SMARCC1: variants seen among roughly 807,000 people sequenced by gnomAD.
SMARCC1 encodes SWI/SNF related BAF chromatin remodeling complex subunit C1.
SMARCC1 carries 43 observed loss-of-function variants against 147.4 expected under a neutral mutation model. That is an observed-to-expected ratio of 0.29 (90% CI 0.23 to 0.38). The LOEUF (loss-of-function observed/expected upper bound fraction) is 0.38. Among genes scored for constraint, SMARCC1 ranks in the 10% least tolerant of loss-of-function variants. The probability of loss-of-function intolerance (pLI) is 1.00; values close to 1 mark genes in which losing one functional copy is unlikely to be tolerated. For missense variants in SMARCC1, 1,119 were observed against 1,381.1 expected (o/e 0.81, Z 3.01); for synonymous variants, 495 against 484.4 (o/e 1.02, Z -0.29).
At position 47,588,043 on chromosome 3, in the gene SMARCC1, T is replaced by C. The variant is rs1383259367; in HGVS notation, c.*166A>G. ...TTGGCTGAGGACCCAACACAAAAAG[T>C]GTCAGAGAGAGGGGTGGTAAGAGGA... On this transcript the variant is annotated 3_prime_UTR_variant, in exon 28 of 28. Transcript: ENST00000254480. 6.7e-6 allele frequency: 4 copies of C among 597,692 alleles called. No homozygotes were observed. The highest frequency in any genetic ancestry group is 1.2e-5 in the Non-Finnish European group (4 of 336,780). The allele number at this position is 597,692 out of a possible 1,614,324, so 37.0% of individuals were successfully genotyped here.
At chr3:47,662,805 GCTCACGCGTATAAT>G (rs1197302133) in intron 19 of SMARCC1, among the ~76,000 whole-genome samples, 2 of 151,888 alleles carry the variant, frequency 1.3e-5, no homozygotes, top group Middle Eastern at 3.4e-3. Context: ...AGGCACGGTG[GCTCACGCGTATAAT>G]CTCAGCACTT....
At chr3:47,669,222 T>G (rs1031068320) in intron 19 of SMARCC1, among the ~76,000 whole-genome samples, 1 of 152,196 alleles carries the variant, frequency 6.6e-6, no homozygotes, top group Non-Finnish European at 1.5e-5. Context: ...ACTGTGGTTT[T>G]CTTGGATGTC....
chr3:47,723,804 T>C (rs1366403611), intron 6 of SMARCC1, among the ~76,000 whole-genome samples: 15 of 151,520 alleles, frequency 9.9e-5, no homozygotes. Context: ...AGAGTGAAAC[T>C]CCGTCTCAAA....
chr3:47,636,897 AAAG>A (rs1039878066), intron 22 of SMARCC1, among the ~76,000 whole-genome samples: 4 of 152,274 alleles, frequency 2.6e-5, no homozygotes, highest in African/African-American at 9.6e-5. Context: ...CACCATCAAC[AAAG>A]AAGCAAGTTG....
At chr3:47,651,353 G>C (rs1359454242) in intron 21 of SMARCC1, among the ~76,000 whole-genome samples, 3 of 152,148 alleles carry the variant, frequency 2.0e-5, no homozygotes, top group Non-Finnish European at 2.9e-5. Flanking sequence ...TGCTCCACTT[G>C]CTCCACTTTG....
chr3:47,624,610 A>C (rs1470348711), intron 24 of SMARCC1, among the ~76,000 whole-genome samples: 5 of 152,204 alleles, frequency 3.3e-5, no homozygotes, highest in African/African-American at 1.2e-4. Flanking sequence ...CAAGGACTAA[A>C]AAGCTCACTT....
intron 11 of SMARCC1, among the ~76,000 whole-genome samples, chr3:47,698,674 G>A (rs1180726793): frequency 1.3e-5 from 2 of 151,968 alleles, no homozygotes; most frequent in Non-Finnish European, 2.9e-5. Flanking sequence ...ACAAACCACA[G>A]AAGAGGAAAA....
At chr3:47,710,646 C>T (rs751288090) in intron 9 of SMARCC1, 37 bp downstream of exon 9, 13 of 1,603,352 alleles carry the variant, frequency 8.1e-6, no homozygotes, top group Non-Finnish European at 8.5e-7. Context: ...GCCAAGAAGA[C>T]AGACTTAATG....
chr3:47,709,648 T>C (rs1445840319), intron 9 of SMARCC1, among the ~76,000 whole-genome samples: 1 of 152,126 alleles, frequency 6.6e-6, no homozygotes, highest in Admixed American at 6.5e-5. Flanking sequence ...ATCGCGCCAC[T>C]GCATTCCAGC....
intron 24 of SMARCC1, among the ~76,000 whole-genome samples, chr3:47,623,445 C>A (rs917321681): frequency 3.9e-5 from 6 of 152,054 alleles, no homozygotes; most frequent in Non-Finnish European, 8.8e-5. Flanking sequence ...TAGACGAAAG[C>A]CTAATTTTTC....
At chr3:47,760,245 C>T (rs943152966) in intron 2 of SMARCC1, among the ~76,000 whole-genome samples, 1 of 151,596 alleles carries the variant, frequency 6.6e-6, no homozygotes, top group African/African-American at 2.4e-5. Flanking sequence ...ACCCAGGAGG[C>T]AGACTGCAGT....
At chr3:47,630,580 C>A (rs575722683) in intron 24 of SMARCC1, among the ~76,000 whole-genome samples, 1 of 152,250 alleles carries the variant, frequency 6.6e-6, no homozygotes, top group South Asian at 2.1e-4. Flanking sequence ...TGTAGTCATA[C>A]AAAAATGAAA....
chr3:47,744,815 AG>A (rs1375621764), intron 3 of SMARCC1, among the ~76,000 whole-genome samples: 1 of 152,312 alleles, frequency 6.6e-6, no homozygotes, highest in African/African-American at 2.4e-5. Context: ...CAGCTAGAAA[AG>A]GGGAAAAGAC....
At chr3:47,675,049 C>T (rs1421140180) in intron 18 of SMARCC1, among the ~76,000 whole-genome samples, 1 of 152,058 alleles carries the variant, frequency 6.6e-6, no homozygotes, top group Non-Finnish European at 1.5e-5. Context: ...CTCTATCTCA[C>T]ATATCTGTTC....
chr3:47,680,198 G>A, intron 15 of SMARCC1: 1 of 396,838 alleles, frequency 2.5e-6, no homozygotes, highest in Non-Finnish European at 4.5e-6. Flanking sequence ...CAACAGCCTG[G>A]GCAACAGAGT....
intron 27 of SMARCC1, among the ~76,000 whole-genome samples, chr3:47,589,649 T>A (rs2032145095): frequency 6.6e-6 from 1 of 152,238 alleles, no homozygotes; most frequent in Admixed American, 6.5e-5. Flanking sequence ...GCACCTACTT[T>A]GTCCCAGACT....
chr3:47,730,703 A>T (rs1451168618), intron 5 of SMARCC1, among the ~76,000 whole-genome samples: 5 of 151,996 alleles, frequency 3.3e-5, no homozygotes, highest in Non-Finnish European at 7.4e-5. Flanking sequence ...CGTGTCTATT[A>T]AAAATACAAA....
At chr3:47,596,173 A>G (rs2032277110) in intron 26 of SMARCC1, among the ~76,000 whole-genome samples, 1 of 152,216 alleles carries the variant, frequency 6.6e-6, no homozygotes, top group South Asian at 2.1e-4. Flanking sequence ...TGAGGACTTC[A>G]AAAGTAAGGC....
chr3:47,641,452 TCC>T (rs1424650635), intron 21 of SMARCC1, among the ~76,000 whole-genome samples: 1 of 151,998 alleles, frequency 6.6e-6, no homozygotes, highest in Non-Finnish European at 1.5e-5. Flanking sequence ...GCCACTGCAC[TCC>T]AGCCTGGATG....
Sources: allele counts gnomAD v4.1 joint callset (sites outside exome capture counted in the v4.1 genomes callset), GRCh38; gene constraint gnomAD v4.1.1; transcripts MANE v1.5; gene names NCBI Gene and HGNC (gene_info 2026-07-23, HGNC 2026-07-21).